The following MAST4 variants were observed in gnomAD, a reference collection of about 807,000 sequenced individuals.
MAST4 encodes microtubule associated serine/threonine kinase family member 4.
In MAST4, 89 loss-of-function variants were observed where a neutral mutation model predicts 162.7. The observed-to-expected ratio is 0.55, with a 90% CI of 0.46 to 0.65. The LOEUF (loss-of-function observed/expected upper bound fraction) is 0.65, where lower values mean the gene tolerates loss of function less well. Ranked by LOEUF, MAST4 falls within the 30% of genes least tolerant of loss-of-function variation. The pLI, the probability that MAST4 is intolerant of heterozygous loss-of-function variation, is 0.00. For synonymous variants in MAST4, 1,479 were observed against 1,361.1 expected, an observed-to-expected ratio of 1.09 and a Z score of -1.91; for missense variants, 3,153 against 3,374.0, an observed-to-expected ratio of 0.93 and a Z score of 1.62.
rs1453521184 is a variant in MAST4, at chr5:66,608,453, T to G, written c.363+11435T>G. The stretch of plus-strand genomic sequence containing the variant: ...GAATTCTCAAAAGGATCCTTACTCA[T>G]GAATTCTACCTTTCAGATAATGCTT... On this transcript the variant is annotated intron_variant, in intron 1 of 28. Transcript: ENST00000403625. Among the ~76,000 whole-genome samples, 3 of 146,788 alleles carry G rather than the reference T, an allele frequency of 2.0e-5. No individual in the cohort carries two copies. The East Asian group carries it at 6.2e-4, about 31-fold the overall frequency.
rs1439958996 is a variant in MAST4, at chr5:67,160,684, C to G, written c.3785+92C>G. ...TTAAATGCTTATATATGAAGAAGAT[C>G]TATTTTTCTGTGAGAAATTTTATGT... On this transcript the variant is annotated intron_variant, in intron 27 of 28. Transcript: ENST00000403625. 4 of 1,393,904 alleles carry G rather than the reference C, an allele frequency of 2.9e-6. No individual in the cohort carries two copies. In the African/African-American group the frequency reaches 4.3e-5, roughly 15 times the overall value. 86.3% of individuals were successfully genotyped at this position (1,393,904 alleles called of 1,614,324 possible).
intron 6 of MAST4, among the ~76,000 whole-genome samples, chr5:67,091,523 T>TTAATTCA (rs1763865838): frequency 1.3e-5 from 2 of 152,238 alleles, no homozygotes; most frequent in Non-Finnish European, 2.9e-5. Flanking sequence ...CCAGTGAATA[T>TTAATTCA]TAATTCATAA....
chr5:67,055,680 G>A (rs1396560363), intron 5 of MAST4, among the ~76,000 whole-genome samples: 1 of 152,144 alleles, frequency 6.6e-6, no homozygotes, highest in East Asian at 1.9e-4. Context: ...ATCTAGAAAG[G>A]CCTTTCCCAG....
chr5:66,702,864 G>C (rs1025836754), intron 1 of MAST4, among the ~76,000 whole-genome samples: 1 of 152,174 alleles, frequency 6.6e-6, no homozygotes, highest in African/African-American at 2.4e-5. Flanking sequence ...TTAACGTTCT[G>C]AGAGGATCAC....
At position 66,935,966 on chromosome 5, in the gene MAST4, C is replaced by T. The variant is rs140190625; in HGVS notation, c.674+35984C>T. Among the ~76,000 whole-genome samples the T allele has an allele frequency of 6.1e-3, 936 of 152,250 alleles. 37 individuals are homozygous for T. Among genetic ancestry groups the T allele is most frequent in the Admixed American group, 0.056 (856 of 15,288 alleles). On this transcript the variant is annotated intron_variant, in intron 4 of 28. Coordinates refer to ENST00000403625, the MANE Select transcript of MAST4 (RefSeq NM_001164664.2). ...TACAGGCATGAGCCATCGCACTCGGCGCCCAGTCTTTAATCCTAAGGTCAG... is the reference window on the plus strand; with the variant it reads ...TACAGGCATGAGCCATCGCACTCGGTGCCCAGTCTTTAATCCTAAGGTCAG...
At chr5:67,072,459 T>G (rs1157812721) in intron 5 of MAST4, among the ~76,000 whole-genome samples, 12 of 152,214 alleles carry the variant, frequency 7.9e-5, no homozygotes, top group Non-Finnish European at 1.6e-4. Context: ...CTTACTTTAG[T>G]GAAATACCAG....
intron 4 of MAST4, among the ~76,000 whole-genome samples, chr5:66,903,313 G>A (rs1357707745): frequency 6.6e-6 from 1 of 152,076 alleles, no homozygotes; most frequent in African/African-American, 2.4e-5. Context: ...TGGTATTCTT[G>A]AAATATTTTA....
At chr5:66,667,792 A>ATT (rs111863549) in intron 1 of MAST4, among the ~76,000 whole-genome samples, 5 of 151,706 alleles carry the variant, frequency 3.3e-5, no homozygotes, top group South Asian at 2.1e-4. Context: ...ATTATAATTG[A>ATT]TTTTTTTTGT....
intron 10 of MAST4, among the ~76,000 whole-genome samples, chr5:67,107,050 T>G (rs1370633770): frequency 1.3e-5 from 2 of 152,248 alleles, no homozygotes; most frequent in African/African-American, 4.8e-5. Context: ...AAGTTATGTT[T>G]GCTAAATGGT....
rs184923047 is a variant in MAST4 at position 66,831,277 on chromosome 5, T to A, written c.642+42483T>A. Reference sequence around the variant, plus strand: ...AGTTATCAGTAAACCTAGTAAACATTTATTTACAGGGATCATTATGACAGG... The same window carrying A: ...AGTTATCAGTAAACCTAGTAAACATATATTTACAGGGATCATTATGACAGG... On this transcript the variant is annotated intron_variant, in intron 3 of 28. Coordinates refer to ENST00000403625, the MANE Select transcript of MAST4 (RefSeq NM_001164664.2). Among the ~76,000 whole-genome samples, 803 of 152,288 alleles carry A rather than the reference T, an allele frequency of 5.3e-3. 13 individuals are homozygous for A. The highest frequency in any genetic ancestry group is 7.7e-3 in the Non-Finnish European group (523 of 68,012).
At chr5:66,718,180 T>A (rs1305546007) in intron 1 of MAST4, among the ~76,000 whole-genome samples, 1 of 150,944 alleles carries the variant, frequency 6.6e-6, no homozygotes, top group Non-Finnish European at 1.5e-5. Context: ...TTTTCTTTTT[T>A]TTTTCTTTTT....
At chr5:66,617,248 G>A (rs529195393) in intron 1 of MAST4, among the ~76,000 whole-genome samples, 1 of 152,182 alleles carries the variant, frequency 6.6e-6, no homozygotes, top group African/African-American at 2.4e-5. Context: ...CTAATGCATC[G>A]TAGCATGCTG....
chr5:66,795,883 G>A (rs1460032887), intron 3 of MAST4, among the ~76,000 whole-genome samples: 1 of 152,140 alleles, frequency 6.6e-6, no homozygotes, highest in Non-Finnish European at 1.5e-5. Flanking sequence ...TTGTGAAATA[G>A]TGCCTTCAGC....
intron 1 of MAST4, among the ~76,000 whole-genome samples, chr5:66,732,944 T>C (rs1415852872): frequency 6.6e-6 from 1 of 152,204 alleles, no homozygotes; most frequent in Non-Finnish European, 1.5e-5. Context: ...CTGGTCCAAT[T>C]TGAAAGTCCT....
chr5:66,963,188 T>C (rs528307326), intron 4 of MAST4, among the ~76,000 whole-genome samples: 14 of 152,320 alleles, frequency 9.2e-5, no homozygotes, highest in African/African-American at 2.4e-4. Flanking sequence ...AATATATGCA[T>C]AGGAACACTT....
At chr5:67,060,815 G>A (rs961550126) in intron 5 of MAST4, among the ~76,000 whole-genome samples, 3 of 152,060 alleles carry the variant, frequency 2.0e-5, no homozygotes, top group Non-Finnish European at 4.4e-5. Flanking sequence ...TACTGCCCCA[G>A]GACTTTAACC....
intron 4 of MAST4, among the ~76,000 whole-genome samples, chr5:67,052,448 C>G (rs1470352907): frequency 6.6e-6 from 1 of 151,668 alleles, no homozygotes; most frequent in East Asian, 1.9e-4. Context: ...GTTTGTTGTT[C>G]ATGTTTTCAT....
intron 3 of MAST4, among the ~76,000 whole-genome samples, chr5:66,847,291 G>T (rs1758925889): frequency 6.6e-6 from 1 of 152,176 alleles, no homozygotes; most frequent in East Asian, 1.9e-4. Flanking sequence ...TACTGGGACT[G>T]CTGAGGCAAA....
intron 2 of MAST4, among the ~76,000 whole-genome samples, chr5:66,773,583 T>C (rs1396855942): frequency 6.6e-6 from 1 of 152,190 alleles, no homozygotes; most frequent in Non-Finnish European, 1.5e-5. Flanking sequence ...AGTTTGATAG[T>C]ATTTAGAAGT....
Sources: gnomAD v4.1 joint callset for allele counts (sites outside exome capture counted in the v4.1 genomes callset) on GRCh38, gnomAD v4.1.1 for gene constraint, MANE v1.5 for transcripts, NCBI Gene and HGNC (gene_info 2026-07-23, HGNC 2026-07-21) for gene names.